Variants in WDR25 observed in about 807,000 individuals in gnomAD.
WDR25 encodes the protein WD repeat-containing protein 25.
In WDR25, 35 loss-of-function variants were observed where a neutral mutation model predicts 47.7. The observed-to-expected ratio is 0.73, with a 90% confidence interval of 0.56 to 0.97. WDR25 has a LOEUF of 0.97. Among genes scored for constraint, WDR25 ranks in the 50% least tolerant of loss-of-function variants. WDR25 has a pLI of 0.00. For synonymous variants in WDR25, 248 were observed against 278.9 expected (o/e 0.89, Z 1.10); for missense variants, 634 against 704.7 (o/e 0.90, Z 1.14).
chr14:100,501,115 A>G (rs1056675045), intron 4 of WDR25, among the ~76,000 whole-genome samples: 3 of 152,260 alleles, frequency 2.0e-5, no homozygotes, highest in Admixed American at 6.5e-5. Context: ...GCCATGGAGT[A>G]GGTGTGACAG....
intron 4 of WDR25, among the ~76,000 whole-genome samples, chr14:100,491,058 G>T (rs761477938): frequency 6.6e-6 from 1 of 152,186 alleles, no homozygotes. Context: ...AACTGGGGAC[G>T]TGGTGGAGCC....
At chr14:100,420,522 A>T (rs1351768916) in intron 2 of WDR25, among the ~76,000 whole-genome samples, 1 of 152,180 alleles carries the variant, frequency 6.6e-6, no homozygotes, top group Non-Finnish European at 1.5e-5. Context: ...TGCTGCAGTG[A>T]TCATCTTTAT....
intron 4 of WDR25, among the ~76,000 whole-genome samples, chr14:100,509,408 T>A (rs570184295): frequency 6.6e-6 from 1 of 152,344 alleles, no homozygotes; most frequent in South Asian, 2.1e-4. Flanking sequence ...CTTCATTTCT[T>A]CTTGTTGATC....
At position 100,380,966 on chromosome 14, in the gene WDR25, G is replaced by T. The variant is rs368854339; in HGVS notation, c.42G>T (p.Ala14=). The T allele has an allele frequency of 2.0e-5, 32 of 1,614,222 alleles. No homozygotes were observed. Among genetic ancestry groups the T allele is most frequent in the Non-Finnish European group, 2.5e-5 (30 of 1,180,030 alleles). Residue 14 remains alanine (A), a synonymous_variant, in exon 2 of 7, where the codon GCG becomes GCT. Transcript: ENST00000402312. ...RTLSLMASLV[A]YDDSDSEAET... ...TGTCTTTAATGGCTTCATTGGTAGC[G>T]TATGATGATTCGGACTCGGAGGCTG...
intron 2 of WDR25, among the ~76,000 whole-genome samples, chr14:100,439,657 C>T (rs980691849): frequency 8.5e-5 from 13 of 152,120 alleles, no homozygotes; most frequent in African/African-American, 2.7e-4. Flanking sequence ...TGGGGGTGGA[C>T]GCTTTTTATG....
chr14:100,518,952 T>C (rs534346027), intron 4 of WDR25, among the ~76,000 whole-genome samples: 5 of 152,196 alleles, frequency 3.3e-5, no homozygotes, highest in Non-Finnish European at 5.9e-5. Flanking sequence ...TATTATCTCA[T>C]AGATCCCCAA....
Position 100,506,370 on chromosome 14 carries a change from G to A in WDR25, c.1102-19500G>A, listed in dbSNP as rs2140356258. On this transcript the variant is annotated intron_variant, in intron 4 of 6. Coordinates refer to ENST00000402312, the MANE Select transcript of WDR25 (RefSeq NM_001161476.3). The surrounding 1 kb of genome is among the most constrained non-coding windows in gnomAD (Gnocchi z 4.8). Reference sequence around the variant, plus strand: ...TTGCTATTGTGAATAGTGCTGTGATGAACACGTGAGTGCATGTGTCTCTTT... The same window carrying A: ...TTGCTATTGTGAATAGTGCTGTGATAAACACGTGAGTGCATGTGTCTCTTT... Among the ~76,000 whole-genome samples, 1 of 152,250 alleles carries A rather than the reference G, an allele frequency of 6.6e-6. No individual in the cohort carries two copies. The highest frequency in any genetic ancestry group is 1.5e-5 in the Non-Finnish European group (1 of 68,000).
In WDR25 at chr14:100,502,455, G is replaced by A. The variant is rs1380263671; in HGVS notation, c.1101+18331G>A. ...GGAATGGCTCTGACGAGGCCTTCCT[G>A]CTGCGAGTAGTCAGCTCCCTCTCCT... On this transcript the variant is annotated intron_variant, in intron 4 of 6. Coordinates refer to ENST00000402312, the MANE Select transcript of WDR25 (RefSeq NM_001161476.3). This position sits in a 1 kb window ranked among gnomAD's most constrained non-coding sequence, Gnocchi z 4.5. 1.3e-5 allele frequency among the ~76,000 whole-genome samples: 2 copies of A among 152,222 alleles called. No homozygotes were observed. Among genetic ancestry groups the A allele is most frequent in the Non-Finnish European group, 2.9e-5 (2 of 68,034 alleles).
At position 100,381,378 on chromosome 14, in the gene WDR25, A is replaced by G. The variant is rs1248110843; in HGVS notation, c.454A>G (p.Ser152Gly). The G allele has an allele frequency of 1.2e-6, 2 of 1,614,110 alleles. No individual in the cohort carries two copies. Among genetic ancestry groups the G allele is most frequent in the African/African-American group, 2.7e-5 (2 of 74,940 alleles). The change falls in exon 2 of 7, where the codon AGT (serine) becomes GGT (glycine). Residue 152 changes from serine (S) to glycine (G), a missense_variant. Physicochemically the swap from Ser to Gly is moderately conservative, Grantham distance 56. Coordinates refer to ENST00000402312, the MANE Select transcript of WDR25 (RefSeq NM_001161476.3). ...TCCCAAGTCATCTTTCCATGCTCAA[A>G]GTGAGTCTGAAACCGTAGGTAAAAA... ...NFPKSSFHAQ[S>G]ESETVGKNGS...
At chr14:100,518,577 T>A (rs762297032) in intron 4 of WDR25, among the ~76,000 whole-genome samples, 9 of 152,294 alleles carry the variant, frequency 5.9e-5, no homozygotes, top group Non-Finnish European at 1.2e-4. Flanking sequence ...GGTACTGCTG[T>A]CTTCACCTTC....
At chr14:100,509,904 G>A (rs1901243024) in intron 4 of WDR25, among the ~76,000 whole-genome samples, 1 of 151,726 alleles carries the variant, frequency 6.6e-6, no homozygotes, top group African/African-American at 2.4e-5. Flanking sequence ...GAAATCAATT[G>A]GCTAAATAGA....
At chr14:100,504,230 C>T (rs1901038157) in intron 4 of WDR25, among the ~76,000 whole-genome samples, 1 of 152,202 alleles carries the variant, frequency 6.6e-6, no homozygotes, top group South Asian at 2.1e-4. Flanking sequence ...ATATCATCCA[C>T]TCTCTAATCC....
intron 2 of WDR25, among the ~76,000 whole-genome samples, chr14:100,434,902 G>A (rs1200565970): frequency 6.6e-6 from 1 of 152,126 alleles, no homozygotes; most frequent in African/African-American, 2.4e-5. Flanking sequence ...ACAGTTTGCC[G>A]TTTCTCATTT....
chr14:100,410,846 A>C (rs1897687400), intron 2 of WDR25, among the ~76,000 whole-genome samples: 1 of 150,454 alleles, frequency 6.6e-6, no homozygotes, highest in Non-Finnish European at 1.5e-5. Context: ...GCAGTGGTGC[A>C]ATCATGGCTC....
chr14:100,505,649 G>A (rs1158785931), intron 4 of WDR25, among the ~76,000 whole-genome samples: 1 of 152,166 alleles, frequency 6.6e-6, no homozygotes, highest in Admixed American at 6.5e-5. Flanking sequence ...CTGTAGATCA[G>A]TTTGGGGATA....
chr14:100,435,859 G>A (rs1350805634), intron 2 of WDR25, among the ~76,000 whole-genome samples: 1 of 152,160 alleles, frequency 6.6e-6, no homozygotes. Flanking sequence ...GTGAGGTTTG[G>A]GGGTTAGATG....
chr14:100,492,309 A>T (rs1900592384), intron 4 of WDR25, among the ~76,000 whole-genome samples: 1 of 152,166 alleles, frequency 6.6e-6, no homozygotes, highest in South Asian at 2.1e-4. Context: ...AACCTCAGAG[A>T]CCTGCCCTGC....
chr14:100,504,888 G>A (rs1901060945), intron 4 of WDR25, among the ~76,000 whole-genome samples: 1 of 152,100 alleles, frequency 6.6e-6, no homozygotes, highest in South Asian at 2.1e-4. Context: ...CCAACACTTG[G>A]TGTTGTCAGT....
At chr14:100,485,986 T>G (rs75046166) in intron 4 of WDR25, among the ~76,000 whole-genome samples, 1,574 of 152,082 alleles carry the variant, frequency 0.01, 21 homozygotes, top group African/African-American at 0.036. Flanking sequence ...AAAGGAACTT[T>G]CTTATAAAAA....
Sources: gnomAD v4.1 joint callset for allele counts (sites outside exome capture counted in the v4.1 genomes callset) on GRCh38, gnomAD v4.1.1 for gene constraint, Gnocchi (gnomAD v3.1) non-coding constraint, MANE v1.5 for transcripts, NCBI Gene and HGNC (gene_info 2026-07-23, HGNC 2026-07-21) for gene names.